The following ENOX1 variants were observed in gnomAD, a reference collection of about 807,000 sequenced individuals.
ENOX1 encodes ecto-NOX disulfide-thiol exchanger 1.
In ENOX1, 42 loss-of-function variants were observed where a neutral mutation model predicts 82.5. The observed-to-expected ratio is 0.51, with a 90% CI of 0.40 to 0.66. The LOEUF is 0.66. Ranked by LOEUF, ENOX1 falls within the 30% of genes least tolerant of loss-of-function variation. ENOX1 has a pLI of 0.00. For missense variants in ENOX1, 608 were observed against 811.6 expected, an observed-to-expected ratio of 0.75 and a Z score of 3.05; for synonymous variants, 271 against 282.2, an observed-to-expected ratio of 0.96 and a Z score of 0.40.
At chr13:43,504,594 T>C (rs1353948093) in intron 2 of ENOX1, among the ~76,000 whole-genome samples, 1 of 151,654 alleles carries the variant, frequency 6.6e-6, no homozygotes, top group Non-Finnish European at 1.5e-5. Context: ...ATGATACTAC[T>C]AATATGAGGA....
chr13:43,248,867 A>T (rs953927884), intron 14 of ENOX1, among the ~76,000 whole-genome samples: 1 of 152,156 alleles, frequency 6.6e-6, no homozygotes, highest in Non-Finnish European at 1.5e-5. Flanking sequence ...TTGCATATAC[A>T]CATACATGTA....
intron 2 of ENOX1, among the ~76,000 whole-genome samples, chr13:43,530,162 A>G (rs1420468178): frequency 6.6e-6 from 1 of 152,170 alleles, no homozygotes; most frequent in Non-Finnish European, 1.5e-5. Flanking sequence ...AACAATACCT[A>G]TCAACTTTCA....
intron 2 of ENOX1, among the ~76,000 whole-genome samples, chr13:43,589,499 T>TCTAGG (rs2081145833): frequency 6.6e-6 from 1 of 152,070 alleles, no homozygotes; most frequent in South Asian, 2.1e-4. Flanking sequence ...TCAGGAAAAC[T>TCTAGG]CTAGGCCAAA....
Position 43,411,917 on chromosome 13 carries a change from A to G in ENOX1, c.207T>C (p.Ser69=), listed in dbSNP as rs2054152023. The change falls in exon 5 of 17, where the codon TCT becomes TCC. Residue 69 remains serine (S), a splice_region_variant and synonymous_variant. Coordinates refer to ENST00000690772, the MANE Select transcript of ENOX1 (RefSeq NM_001347969.2). ...PVGLPGQQLV[S]DSICVPGFDP... ...CTCTGAAACCAGGAGAAAGCTTACCAGACACGAGCTGCTGTCCAGGCAACC... is the reference window on the plus strand; with the variant it reads ...CTCTGAAACCAGGAGAAAGCTTACCGGACACGAGCTGCTGTCCAGGCAACC... 1 of 1,614,194 alleles carries G rather than the reference A, an allele frequency of 6.2e-7. No individual in the cohort carries two copies. Among genetic ancestry groups the G allele is most frequent in the Non-Finnish European group, 8.5e-7 (1 of 1,180,012 alleles).
At chr13:43,603,965 T>G (rs2081864268) in intron 2 of ENOX1, among the ~76,000 whole-genome samples, 1 of 131,278 alleles carries the variant, frequency 7.6e-6, no homozygotes, top group Non-Finnish European at 1.6e-5. Context: ...ATTGCCACAC[T>G]GACTTCCACA....
intron 15 of ENOX1, among the ~76,000 whole-genome samples, chr13:43,236,394 G>A (rs572595449): frequency 1.2e-4 from 19 of 152,258 alleles, no homozygotes; most frequent in Admixed American, 9.8e-4. Context: ...GCAACTTAGC[G>A]TATTCTTGAA....
At chr13:43,275,902 T>C (rs957024610) in intron 12 of ENOX1, among the ~76,000 whole-genome samples, 14 of 152,274 alleles carry the variant, frequency 9.2e-5, no homozygotes, top group Admixed American at 2.6e-4. Flanking sequence ...ATCCAGGAGA[T>C]TTCTGGGGAT....
chr13:43,390,526 T>G (rs754124250), intron 5 of ENOX1, among the ~76,000 whole-genome samples: 3 of 152,126 alleles, frequency 2.0e-5, no homozygotes, highest in Non-Finnish European at 4.4e-5. Context: ...AGACCAAGGA[T>G]TCACCATTTT....
At chr13:43,214,825 G>A (rs1446624831) in intron 16 of ENOX1, among the ~76,000 whole-genome samples, 1 of 152,140 alleles carries the variant, frequency 6.6e-6, no homozygotes, top group Non-Finnish European at 1.5e-5. Flanking sequence ...TCCTGTGTTA[G>A]CATGCCAATC....
intron 2 of ENOX1, among the ~76,000 whole-genome samples, chr13:43,619,368 T>A (rs533025084): frequency 6.6e-6 from 1 of 152,270 alleles, no homozygotes; most frequent in Non-Finnish European, 1.5e-5. Flanking sequence ...CCATTCAGTG[T>A]TATGTTGGCT....
At chr13:43,536,962 A>G (rs1056854173) in intron 2 of ENOX1, among the ~76,000 whole-genome samples, 1 of 152,246 alleles carries the variant, frequency 6.6e-6, no homozygotes, top group Non-Finnish European at 1.5e-5. Context: ...AAGAAAATGG[A>G]GTGCCAAGGA....
At chr13:43,589,615 C>T (rs1239617485) in intron 2 of ENOX1, among the ~76,000 whole-genome samples, 1 of 95,562 alleles carries the variant, frequency 1.0e-5, no homozygotes, top group Non-Finnish European at 2.2e-5. Context: ...AGCAATTCTC[C>T]CACCTCGACC....
chr13:43,752,137 A>T (rs919449201), intron 1 of ENOX1, among the ~76,000 whole-genome samples: 10 of 152,180 alleles, frequency 6.6e-5, no homozygotes, highest in African/African-American at 2.4e-4. Flanking sequence ...ATGATTAATC[A>T]TGTTGAGCAT....
chr13:43,325,928 T>G (rs1374417582), intron 10 of ENOX1, among the ~76,000 whole-genome samples: 1 of 152,168 alleles, frequency 6.6e-6, no homozygotes, highest in Non-Finnish European at 1.5e-5. Context: ...TTCACTCCCC[T>G]TACAACATTG....
At chr13:43,277,714 C>T (rs1238162621) in intron 12 of ENOX1, among the ~76,000 whole-genome samples, 2 of 152,182 alleles carry the variant, frequency 1.3e-5, no homozygotes, top group Non-Finnish European at 2.9e-5. Context: ...CATGGAGGAA[C>T]TCCAGAGAAC....
chr13:43,372,239 C>T (rs1398035234), intron 5 of ENOX1, among the ~76,000 whole-genome samples: 1 of 152,008 alleles, frequency 6.6e-6, no homozygotes, highest in Non-Finnish European at 1.5e-5. Flanking sequence ...TTAGTTATTC[C>T]TTTATTATAG....
intron 12 of ENOX1, among the ~76,000 whole-genome samples, chr13:43,275,318 TA>T (rs972325733): frequency 1.3e-5 from 2 of 152,186 alleles, no homozygotes; most frequent in Non-Finnish European, 2.9e-5. Context: ...TTTATATAGT[TA>T]ACAGACTATG....
chr13:43,456,086 T>C (rs1000026741), intron 3 of ENOX1, among the ~76,000 whole-genome samples: 2 of 152,288 alleles, frequency 1.3e-5, no homozygotes, highest in South Asian at 2.1e-4. Context: ...TACCTCCTTC[T>C]TATTTTCTAA....
At chr13:43,755,438 C>T (rs1378074966) in intron 1 of ENOX1, among the ~76,000 whole-genome samples, 1 of 152,142 alleles carries the variant, frequency 6.6e-6, no homozygotes, top group African/African-American at 2.4e-5. Flanking sequence ...TTCAGGGGCT[C>T]ATGTACCCGT....
Sources: allele counts gnomAD v4.1 joint callset (sites outside exome capture counted in the v4.1 genomes callset), GRCh38; gene constraint gnomAD v4.1.1; transcripts MANE v1.5; gene names NCBI Gene and HGNC (gene_info 2026-07-23, HGNC 2026-07-21).